The following VWA5A variants were observed in gnomAD, a reference collection of about 807,000 sequenced individuals.
VWA5A encodes von Willebrand factor A domain-containing protein 5A.
A neutral mutation model predicts 84.6 loss-of-function variants in VWA5A; 77 were observed. That is an observed-to-expected ratio of 0.91 (90% CI 0.76 to 1.10). The LOEUF is 1.10. Ranked by LOEUF, VWA5A falls within the 50% of genes least tolerant of loss-of-function variation. The pLI is 0.00. For missense variants in VWA5A, 973 were observed against 963.0 expected, an observed-to-expected ratio of 1.01 and a Z score of -0.14; for synonymous variants, 334 against 350.1, an observed-to-expected ratio of 0.95 and a Z score of 0.51.
chr11:124,118,925 A>G, intron 6 of VWA5A, 50 bp from the exon 7 acceptor site: 1 of 1,577,562 alleles, frequency 6.3e-7, no homozygotes, highest in Non-Finnish European at 8.7e-7. Context: ...AGCCCCAAGA[A>G]GCAAGAAGTT....
At chr11:124,133,178 T>C (rs1292023787) in intron 11 of VWA5A, among the ~76,000 whole-genome samples, 1 of 152,232 alleles carries the variant, frequency 6.6e-6, no homozygotes, top group Non-Finnish European at 1.5e-5. Context: ...GAACAGATAA[T>C]GTTAATCCAG....
chr11:124,119,156 A>G (rs1484303447), intron 7 of VWA5A, 67 bp downstream of exon 7: 1 of 1,393,018 alleles, frequency 7.2e-7, no homozygotes, highest in African/African-American at 1.4e-5. Flanking sequence ...TTACTGTCGA[A>G]TTACTCTCTT....
intron 11 of VWA5A, among the ~76,000 whole-genome samples, chr11:124,125,384 G>A (rs977211649): frequency 2.6e-5 from 4 of 151,400 alleles, no homozygotes; most frequent in Non-Finnish European, 4.4e-5. Flanking sequence ...CTGGGTTCAC[G>A]CCATTCTCCC....
At chr11:124,136,941 T>A in intron 14 of VWA5A, 74 bp from the exon 15 acceptor site, 1 of 1,541,368 alleles carries the variant, frequency 6.5e-7, no homozygotes, top group Non-Finnish European at 8.7e-7. Flanking sequence ...TATTCCTAAC[T>A]TTTAGGAGCC....
rs781458445 is a variant in VWA5A, at chr11:124,141,792, T to C, written c.2023+51T>C. Reference sequence around the variant, plus strand: ...CTCAACAATGTTTTTCTGTCACATATACAGGACTAGGCAAGCTAAAAGCTT... The same window carrying C: ...CTCAACAATGTTTTTCTGTCACATACACAGGACTAGGCAAGCTAAAAGCTT... On this transcript the variant is annotated intron_variant, in intron 16 of 18. Coordinates refer to ENST00000456829, the MANE Select transcript of VWA5A (RefSeq NM_001130142.2). The C allele has an allele frequency of 7.5e-6, 12 of 1,599,238 alleles. No homozygotes were observed. The East Asian group carries it at 1.1e-4, about 15-fold the overall frequency.
At chr11:124,119,904 T>C (rs1216572800) in intron 7 of VWA5A, among the ~76,000 whole-genome samples, 1 of 152,228 alleles carries the variant, frequency 6.6e-6, no homozygotes, top group African/African-American at 2.4e-5. Context: ...TGACTAAGTT[T>C]AATTCTTAAT....
intron 18 of VWA5A, 65 bp from the exon 19 acceptor site, chr11:124,145,801 G>T: frequency 6.8e-7 from 1 of 1,481,352 alleles, no homozygotes; most frequent in South Asian, 1.2e-5. Context: ...TAGATGATCT[G>T]GGAGGTTTGG....
intron 11 of VWA5A, among the ~76,000 whole-genome samples, chr11:124,131,445 T>C (rs963239460): frequency 1.3e-5 from 2 of 152,108 alleles, no homozygotes; most frequent in Non-Finnish European, 2.9e-5. Context: ...AACTATAGAA[T>C]GTAAAACTGC....
At position 124,145,296 on chromosome 11, in the gene VWA5A, TAAGGACTTGA is replaced by T; in HGVS notation, c.2216_2225del (p.Lys739SerfsTer27). 1 of 1,613,878 alleles carries T rather than the reference TAAGGACTTGA, an allele frequency of 6.2e-7. No individual in the cohort carries two copies. The highest frequency in any genetic ancestry group is 8.5e-7 in the Non-Finnish European group (1 of 1,179,854). ...CCGTGATCTGGCTGCACAGCAATGGTAAGGACTTGAAGTGTGAATGGGAGCTTCTGGAAAG... is the reference window on the plus strand; with the variant it reads ...CCGTGATCTGGCTGCACAGCAATGGTAGTGTGAATGGGAGCTTCTGGAAAG... On this transcript the variant is annotated frameshift_variant, in exon 18 of 19. Coordinates refer to ENST00000456829, the MANE Select transcript of VWA5A (RefSeq NM_001130142.2). LOFTEE classifies it high-confidence loss of function.
Position 124,135,095 on chromosome 11 carries a change from G to A in VWA5A, c.1359+61G>A, listed in dbSNP as rs1359835817. The A allele has an allele frequency of 2.1e-6, 3 of 1,446,946 alleles. No homozygotes were observed. The African/African-American group carries it at 4.2e-5, about 20-fold the overall frequency. 89.6% of individuals were successfully genotyped at this position (1,446,946 alleles called of 1,614,324 possible). Reference sequence around the variant, plus strand: ...GCAATCCAGACCAAAGTGGAACGGGGTGGGGAACACTGTGTAAGGGCAGGG... The same window carrying A: ...GCAATCCAGACCAAAGTGGAACGGGATGGGGAACACTGTGTAAGGGCAGGG... On this transcript the variant is annotated intron_variant, in intron 12 of 18. Transcript: ENST00000456829.
intron 2 of VWA5A, 107 bp from the exon 3 acceptor site, chr11:124,117,390 T>C: frequency 8.9e-7 from 1 of 1,118,006 alleles, no homozygotes; most frequent in Non-Finnish European, 1.4e-6. Flanking sequence ...AACTCCAACA[T>C]TAACCCTTTG....
chr11:124,142,463 T>C lies in VWA5A; in HGVS notation c.2045T>C (p.Val682Ala). The C allele has an allele frequency of 1.2e-6, 2 of 1,614,230 alleles. No individual in the cohort carries two copies. The highest frequency in any genetic ancestry group is 1.7e-6 in the Non-Finnish European group (2 of 1,180,042). Residue 682 changes from valine to alanine, a missense_variant, in exon 17 of 19, where the codon GTG (valine) becomes GCG (alanine). By Grantham distance (64) the Val-to-Ala change is moderately conservative. Transcript: ENST00000456829. ...HSPGFGENHL[V>A]QLIYHQNANG... ...AAAGGCTTTGGAGAGAATCACCTTG[T>C]GCAGCTGATTTACCACCAAAATGCA...
chr11:124,117,212 C>A (rs1208723868), intron 2 of VWA5A, among the ~76,000 whole-genome samples: 1 of 152,154 alleles, frequency 6.6e-6, no homozygotes, highest in Non-Finnish European at 1.5e-5. Context: ...ATTAAATACA[C>A]TTTTGAGAAA....
chr11:124,145,957 A>C lies in VWA5A; in HGVS notation c.*12A>C. The C allele has an allele frequency of 6.3e-7, 1 of 1,576,672 alleles. No individual in the cohort carries two copies. Among genetic ancestry groups the C allele is most frequent in the Non-Finnish European group, 8.6e-7 (1 of 1,157,162 alleles). ...TCTTTGCCTTTTGAAGATACCATCC[A>C]GAAAAAGAAGTGCCTTTAATTTGCT... On this transcript the variant is annotated 3_prime_UTR_variant, in exon 19 of 19. Transcript: ENST00000456829.
intron 1 of VWA5A, 127 bp downstream of exon 1, chr11:124,115,609 A>G (rs1864814963): frequency 6.6e-6 from 1 of 152,132 alleles, no homozygotes; most frequent in African/African-American, 2.4e-5. Context: ...TGCACGCCCC[A>G]TGGGTGGAGG....
chr11:124,126,174 C>G (rs1224120243), intron 11 of VWA5A, among the ~76,000 whole-genome samples: 1 of 152,068 alleles, frequency 6.6e-6, no homozygotes, highest in Non-Finnish European at 1.5e-5. Context: ...GTGATAAGTC[C>G]TCAATTTTGT....
chr11:124,139,296 A>G (rs1445898034), intron 15 of VWA5A, among the ~76,000 whole-genome samples: 1 of 151,458 alleles, frequency 6.6e-6, no homozygotes, highest in Non-Finnish European at 1.5e-5. Flanking sequence ...TTATAATTCC[A>G]TACAAATTTA....
intron 11 of VWA5A, 87 bp downstream of exon 11, chr11:124,124,403 C>A: frequency 6.6e-7 from 1 of 1,504,092 alleles, no homozygotes; most frequent in Non-Finnish European, 8.8e-7. Flanking sequence ...GTTGACCTTC[C>A]TTCAAGAGGA....
At chr11:124,136,845 T>C (rs1860605683) in intron 14 of VWA5A, among the ~76,000 whole-genome samples, 170 bp from the exon 15 acceptor site, 1 of 150,058 alleles carries the variant, frequency 6.7e-6, no homozygotes, top group Non-Finnish European at 1.5e-5. Flanking sequence ...CTGGGCTCCA[T>C]TGTAATTGTT....
Sources: gnomAD v4.1 joint callset for allele counts (sites outside exome capture counted in the v4.1 genomes callset) on GRCh38, gnomAD v4.1.1 for gene constraint, MANE v1.5 for transcripts, NCBI Gene and HGNC (gene_info 2026-07-23, HGNC 2026-07-21) for gene names.